Variants in SYNJ1 observed in about 807,000 individuals in gnomAD.
SYNJ1 encodes synaptojanin 1.
In SYNJ1, 78 loss-of-function variants were observed where a neutral mutation model predicts 168.2. The observed-to-expected ratio is 0.46, with a 90% CI of 0.39 to 0.56. The LOEUF is 0.56. Ranked by LOEUF, SYNJ1 falls within the 20% of genes least tolerant of loss-of-function variation. The pLI, the probability that SYNJ1 is intolerant of heterozygous loss-of-function variation, is 0.00. For synonymous variants in SYNJ1, 539 were observed against 548.6 expected (o/e 0.98, Z 0.24); for missense variants, 1,303 against 1,597.6 (o/e 0.82, Z 3.14).
intron 6 of SYNJ1, among the ~76,000 whole-genome samples, chr21:32,690,278 G>A (rs2041974286): frequency 6.6e-6 from 1 of 152,238 alleles, no homozygotes; most frequent in Non-Finnish European, 1.5e-5. Flanking sequence ...TGCAACCATA[G>A]CTCACTGCAG....
chr21:32,726,951 C>T (rs775674298), intron 1 of SYNJ1, 34 bp from the exon 2 acceptor site: 2 of 1,607,536 alleles, frequency 1.2e-6, no homozygotes, highest in Non-Finnish European at 1.7e-6. Context: ...GCAAATGAAG[C>T]TGATGTTTCC....
chr21:32,726,914 A>T lies in SYNJ1; in HGVS notation c.-19T>A, dbSNP rs1447119337. On this transcript the variant is annotated 5_prime_UTR_variant, in exon 2 of 33. Transcript: ENST00000674351. ...ACGCCATTCTCCTTTCTTCGGAGGC[A>T]GCCCTGCGAAAACCAAGCAAAGCAA... The T allele has an allele frequency of 4.3e-6, 7 of 1,613,914 alleles. No individual in the cohort carries two copies. The Admixed American group carries it at 1.2e-4, about 27-fold the overall frequency.
chr21:32,685,425 C>CAAAAAAAAAA (rs57470866), intron 9 of SYNJ1, among the ~76,000 whole-genome samples: 5 of 67,236 alleles, frequency 7.4e-5, no homozygotes, highest in Non-Finnish European at 1.1e-4. Flanking sequence ...CCGTCTCTAC[C>CAAAAAAAAAA]AAAAAAAAAA....
At chr21:32,704,566 T>C (rs2042534853) in intron 2 of SYNJ1, among the ~76,000 whole-genome samples, 3 of 152,112 alleles carry the variant, frequency 2.0e-5, no homozygotes, top group Non-Finnish European at 4.4e-5. Flanking sequence ...AGGGGCCGCC[T>C]GGCATGAGTT....
At chr21:32,670,427 C>T (rs889416921) in intron 14 of SYNJ1, 55 bp from the exon 15 acceptor site, 2 of 1,332,740 alleles carry the variant, frequency 1.5e-6, no homozygotes, top group Non-Finnish European at 2.1e-6. Context: ...CAAATAGCAA[C>T]CCCATCCAAC....
At chr21:32,719,676 G>A (rs1286496429) in intron 2 of SYNJ1, among the ~76,000 whole-genome samples, 1 of 150,104 alleles carries the variant, frequency 6.7e-6, no homozygotes, top group Non-Finnish European at 1.5e-5. Flanking sequence ...CCGTGCCATT[G>A]CACTCCAACC....
At chr21:32,664,627 G>A (rs2040849858) in intron 18 of SYNJ1, among the ~76,000 whole-genome samples, 1 of 152,146 alleles carries the variant, frequency 6.6e-6, no homozygotes, top group South Asian at 2.1e-4. Context: ...GCCCTTAAAA[G>A]GGACAGGAAT....
intron 13 of SYNJ1, among the ~76,000 whole-genome samples, chr21:32,675,054 T>C (rs568758938): frequency 2.0e-5 from 3 of 152,322 alleles, no homozygotes; most frequent in Admixed American, 1.3e-4. Context: ...TTGTCTGGCC[T>C]GTTGGTATGG....
intron 21 of SYNJ1, among the ~76,000 whole-genome samples, chr21:32,654,370 A>G (rs1339128331): frequency 6.6e-6 from 1 of 152,198 alleles, no homozygotes; most frequent in Admixed American, 6.5e-5. Context: ...AACTGACTCA[A>G]TTTCTTTGGC....
At chr21:32,655,796 C>T (rs572129559) in intron 21 of SYNJ1, among the ~76,000 whole-genome samples, 1 of 152,298 alleles carries the variant, frequency 6.6e-6, no homozygotes, top group Non-Finnish European at 1.5e-5. Context: ...ATCATTCAGT[C>T]TCTCAAAACT....
At chr21:32,692,512 G>A (rs1429313224) in intron 6 of SYNJ1, among the ~76,000 whole-genome samples, 34 of 152,106 alleles carry the variant, frequency 2.2e-4, no homozygotes, top group Admixed American at 2.2e-3. Flanking sequence ...GGAGGCGGAG[G>A]TTGCAGTAAG....
chr21:32,671,582 G>A (rs1285193413), intron 14 of SYNJ1, among the ~76,000 whole-genome samples: 1 of 152,146 alleles, frequency 6.6e-6, no homozygotes, highest in East Asian at 1.9e-4. Flanking sequence ...AACATGGGCA[G>A]GTTCCTTCCC....
Position 32,695,078 on chromosome 21 carries a change from G to A in SYNJ1, c.684C>T (p.Ala228=), listed in dbSNP as rs376985894. 3.1e-6 allele frequency: 5 copies of A among 1,613,864 alleles called. No individual in the cohort carries two copies. In the African/African-American group the frequency reaches 6.7e-5, roughly 22 times the overall value. The change falls in exon 5 of 33, where the codon GCC becomes GCT. Residue 228 remains alanine (A), a synonymous_variant. Transcript: ENST00000674351. ...ATACCTGTTCTGTTTCTACAAAATT[G>A]GCAACATGACCATCATCATTTGTTC... ...VRGTNDDGHV[A]NFVETEQVVY...
chr21:32,678,929 A>G (rs2041519189), intron 11 of SYNJ1, 128 bp from the exon 12 acceptor site: 1 of 1,229,750 alleles, frequency 8.1e-7, no homozygotes, highest in Non-Finnish European at 1.1e-6. Context: ...TAATCGTTCT[A>G]TTTTGAATAT....
chr21:32,691,297 T>C (rs954567397), intron 6 of SYNJ1, among the ~76,000 whole-genome samples: 1 of 152,214 alleles, frequency 6.6e-6, no homozygotes, highest in African/African-American at 2.4e-5. Context: ...CGCTCTTATC[T>C]TTCTTTTGCT....
At chr21:32,723,541 C>G (rs1036232377) in intron 2 of SYNJ1, among the ~76,000 whole-genome samples, 1 of 152,078 alleles carries the variant, frequency 6.6e-6, no homozygotes, top group African/African-American at 2.4e-5. Flanking sequence ...GTCTTGGCTG[C>G]GAGCAGTGGC....
intron 13 of SYNJ1, among the ~76,000 whole-genome samples, chr21:32,675,352 G>A (rs1266379791): frequency 6.6e-6 from 1 of 151,958 alleles, no homozygotes; most frequent in Non-Finnish European, 1.5e-5. Flanking sequence ...TTCTTAACTG[G>A]TGCCACCTTA....
At chr21:32,695,586 A>C (rs2042173058) in intron 4 of SYNJ1, among the ~76,000 whole-genome samples, 1 of 151,880 alleles carries the variant, frequency 6.6e-6, no homozygotes, top group Non-Finnish European at 1.5e-5. Context: ...AAAGGAATAC[A>C]TATGCATGTC....
intron 2 of SYNJ1, among the ~76,000 whole-genome samples, chr21:32,712,334 GAAGAAA>G (rs2042858570): frequency 6.6e-6 from 1 of 152,068 alleles, no homozygotes; most frequent in African/African-American, 2.4e-5. Flanking sequence ...CTCATTTTCA[GAAGAAA>G]AAGAGTAGAG....
Sources: gnomAD v4.1 joint callset for allele counts (sites outside exome capture counted in the v4.1 genomes callset) on GRCh38, gnomAD v4.1.1 for gene constraint, MANE v1.5 for transcripts, NCBI Gene and HGNC (gene_info 2026-07-23, HGNC 2026-07-21) for gene names.